ATP6V0A1: variants seen among roughly 807,000 people sequenced by gnomAD.
The protein encoded by ATP6V0A1 is V-type proton ATPase 116 kDa subunit a 1.
ATP6V0A1 carries 43 observed loss-of-function variants against 105.4 expected under a neutral mutation model. The ratio of observed to expected loss-of-function variants is 0.41; its 90% CI spans 0.32 to 0.53. ATP6V0A1 has a LOEUF of 0.53. Among genes scored for constraint, ATP6V0A1 ranks in the 20% least tolerant of loss-of-function variants. ATP6V0A1 has a pLI of 0.30. For synonymous variants in ATP6V0A1, 362 were observed against 372.8 expected (o/e 0.97, Z 0.33); for missense variants, 676 against 1,051.1 (o/e 0.64, Z 4.93).
At chr17:42,476,519 TCAAA>T (rs1372456775) in intron 5 of ATP6V0A1, among the ~76,000 whole-genome samples, 1 of 152,212 alleles carries the variant, frequency 6.6e-6, no homozygotes, top group Non-Finnish European at 1.5e-5. Context: ...TAGTTTTTGG[TCAAA>T]CAAGTATTGC....
intron 11 of ATP6V0A1, among the ~76,000 whole-genome samples, chr17:42,491,403 C>T (rs1598908628): frequency 6.6e-6 from 1 of 152,212 alleles, no homozygotes; most frequent in African/African-American, 2.4e-5. Flanking sequence ...CTCTGCCTCC[C>T]AGGTTCACGC....
Position 42,521,239 on chromosome 17 carries a change from T to C in ATP6V0A1, c.*119T>C. On this transcript the variant is annotated 3_prime_UTR_variant, in exon 22 of 22. Transcript: ENST00000343619. This position sits in a 1 kb window ranked among gnomAD's most constrained non-coding sequence, Gnocchi z 4.8. ...GCACCAGCTCATTCGTGTCACCCTG[T>C]CTGTGAGTCATTTAGATAGAATAGT... The C allele has an allele frequency of 1.2e-6, 1 of 862,516 alleles. No individual in the cohort carries two copies. Among genetic ancestry groups the C allele is most frequent in the Non-Finnish European group, 1.8e-6 (1 of 568,210 alleles). 53.4% of individuals were successfully genotyped at this position (862,516 alleles called of 1,614,324 possible).
At chr17:42,482,385 A>G (rs1041884147) in intron 8 of ATP6V0A1, among the ~76,000 whole-genome samples, 1 of 151,306 alleles carries the variant, frequency 6.6e-6, no homozygotes, top group African/African-American at 2.4e-5. Flanking sequence ...AGACTCAAGC[A>G]ATCCACCTGC....
Position 42,468,127 on chromosome 17 carries a change from C to A in ATP6V0A1, c.294+20C>A. On this transcript the variant is annotated intron_variant, in intron 4 of 21. Transcript: ENST00000343619. ...TTAGAGGTAAACACTTCTGGGAAAACCAGAAAAGTTTCTTTCTACTTGAAC... is the reference window on the plus strand; with the variant it reads ...TTAGAGGTAAACACTTCTGGGAAAAACAGAAAAGTTTCTTTCTACTTGAAC... The A allele has an allele frequency of 6.7e-7, 1 of 1,499,808 alleles. No individual in the cohort carries two copies. The highest frequency in any genetic ancestry group is 2.4e-5 in the East Asian group (1 of 41,032). 92.9% of individuals were successfully genotyped at this position (1,499,808 alleles called of 1,614,324 possible).
chr17:42,489,095 G>A (rs1454492383), intron 10 of ATP6V0A1, among the ~76,000 whole-genome samples: 2 of 144,588 alleles, frequency 1.4e-5, no homozygotes, highest in Admixed American at 1.4e-4. Flanking sequence ...TTTTTGAGAT[G>A]GAGTTTTGCT....
rs374907982 is a variant in ATP6V0A1 at position 42,508,182 on chromosome 17, G to T, written c.2113-390G>T. Among the ~76,000 whole-genome samples the T allele has an allele frequency of 3.3e-5, 5 of 152,256 alleles. No homozygotes were observed. The East Asian group carries it at 7.7e-4, about 23-fold the overall frequency. ...CTTTTCCTTAAGATACCACCTCCAAGCCCACTCTCCTTGCCTGACCCCTTG... is the reference window on the plus strand; with the variant it reads ...CTTTTCCTTAAGATACCACCTCCAATCCCACTCTCCTTGCCTGACCCCTTG... On this transcript the variant is annotated intron_variant, in intron 18 of 21. Coordinates refer to ENST00000343619, the MANE Select transcript of ATP6V0A1 (RefSeq NM_001130021.3).
chr17:42,484,920 G>C (rs2089953655), intron 9 of ATP6V0A1, among the ~76,000 whole-genome samples: 1 of 150,640 alleles, frequency 6.6e-6, no homozygotes, highest in South Asian at 2.1e-4. Flanking sequence ...CGCGATCTCG[G>C]CTCACTGCAA....
chr17:42,480,609 A>G, intron 7 of ATP6V0A1, 58 bp from the exon 8 acceptor site: 1 of 1,545,012 alleles, frequency 6.5e-7, no homozygotes, highest in Admixed American at 2.1e-5. Flanking sequence ...GGGTTATTTA[A>G]GAGATTTTCA....
chr17:42,513,577 A>C (rs1163603142), intron 19 of ATP6V0A1: 5 of 346,186 alleles, frequency 1.4e-5, no homozygotes. Flanking sequence ...TGTTGAAAAG[A>C]ATCTTATTAA....
At position 42,478,805 on chromosome 17, in the gene ATP6V0A1, A is replaced by G. The variant is rs556290962; in HGVS notation, c.633+216A>G. The G allele has an allele frequency of 1.4e-3, 405 of 293,698 alleles. 2 individuals carry two copies. Among genetic ancestry groups the G allele is most frequent in the African/African-American group, 8.6e-3 (388 of 45,358 alleles). The allele number at this position is 293,698 out of a possible 1,614,324, so 18.2% of individuals were successfully genotyped here. ...TATACATGACATATACATATTTTCA[A>G]GTTTACCCGTGTAGATGTTATTCTG... On this transcript the variant is annotated intron_variant, in intron 7 of 21. Coordinates refer to ENST00000343619, the MANE Select transcript of ATP6V0A1 (RefSeq NM_001130021.3).
Position 42,494,410 on chromosome 17 carries a change from CCTT to C in ATP6V0A1, c.1252_1254del (p.Leu418del), listed in dbSNP as rs2090961493. 6.2e-7 allele frequency: 1 copy of C among 1,613,204 alleles called. No individual in the cohort carries two copies. The highest frequency in any genetic ancestry group is 1.3e-5 in the African/African-American group (1 of 74,746). ...ACTTCGGTCATGGCATTTTAATGAC[CCTT>C]TTTGCTGTGTGGATGGTACTGAGGG... On this transcript the variant is annotated inframe_deletion, in exon 12 of 22. Transcript: ENST00000343619.
rs766506009 is a variant in ATP6V0A1, at chr17:42,487,116, G to A, written c.811-39G>A. 1.9e-6 allele frequency: 3 copies of A among 1,602,248 alleles called. 1 individual carries two copies. The highest frequency in any genetic ancestry group is 2.6e-6 in the Non-Finnish European group (3 of 1,169,456). On this transcript the variant is annotated intron_variant, in intron 9 of 21. Coordinates refer to ENST00000343619, the MANE Select transcript of ATP6V0A1 (RefSeq NM_001130021.3). Reference sequence around the variant, plus strand: ...TCATACCCTGAGATCTAAAACTGGTGTTAAAAGGATCCCTCGCTTGTTCCT... The same window carrying A: ...TCATACCCTGAGATCTAAAACTGGTATTAAAAGGATCCCTCGCTTGTTCCT...
chr17:42,507,165 A>G (rs2092080393), intron 17 of ATP6V0A1, among the ~76,000 whole-genome samples: 1 of 152,196 alleles, frequency 6.6e-6, no homozygotes, highest in Admixed American at 6.5e-5. Context: ...CAGCCTTTAC[A>G]GATAGAGCTG....
intron 9 of ATP6V0A1, among the ~76,000 whole-genome samples, chr17:42,484,620 C>T (rs2089916379): frequency 6.6e-6 from 1 of 152,084 alleles, no homozygotes; most frequent in Admixed American, 6.6e-5. Flanking sequence ...GTGGTTTATG[C>T]ACACCACGGT....
chr17:42,516,345 A>G (rs2092624617), intron 21 of ATP6V0A1, among the ~76,000 whole-genome samples: 1 of 151,602 alleles, frequency 6.6e-6, no homozygotes, highest in South Asian at 2.1e-4. Context: ...GCTAGGGTGC[A>G]CTCTTCTTCA....
rs2146300013 is a variant in ATP6V0A1 at position 42,513,959 on chromosome 17, C to T, written c.2229C>T (p.Ala743=). 1 of 1,614,142 alleles carries T rather than the reference C, an allele frequency of 6.2e-7. No individual in the cohort carries two copies. The highest frequency in any genetic ancestry group is 8.5e-7 in the Non-Finnish European group (1 of 1,180,010). The part of the protein sequence containing the change: ...SNTASYLRLW[A]LSLAHAQLSE... ...CTGCCTCCTACTTGCGGCTCTGGGC[C>T]CTCAGCCTCGCTCATGCGCGTGAGT... is the stretch of plus-strand genomic sequence containing the variant. The change falls in exon 20 of 22, where the codon GCC becomes GCT. Residue 743 remains alanine (A), a synonymous_variant. Coordinates refer to ENST00000343619, the MANE Select transcript of ATP6V0A1 (RefSeq NM_001130021.3).
intron 10 of ATP6V0A1, among the ~76,000 whole-genome samples, chr17:42,489,327 C>T (rs1401233039): frequency 2.0e-5 from 3 of 151,982 alleles, no homozygotes; most frequent in Admixed American, 6.6e-5. Context: ...GTGATCCACC[C>T]GCCTCAGCCT....
At position 42,477,777 on chromosome 17, in the gene ATP6V0A1, G is replaced by A. The variant is rs112188280; in HGVS notation, c.506+35G>A. On this transcript the variant is annotated intron_variant, in intron 6 of 21. Transcript: ENST00000343619. ...ATGTCAACTTTTCGGTATTCAGTGG[G>A]GCCATGTTCATCTCTTCTGTTCAGA... 95 of 1,532,306 alleles carry A rather than the reference G, an allele frequency of 6.2e-5. 3 individuals carry two copies. The African/African-American group carries it at 7.0e-4, about 11-fold the overall frequency. 94.9% of individuals were successfully genotyped at this position (1,532,306 alleles called of 1,614,324 possible).
chr17:42,468,240 G>C, intron 4 of ATP6V0A1, 133 bp downstream of exon 4: 1 of 517,342 alleles, frequency 1.9e-6, no homozygotes, highest in Admixed American at 3.9e-5. Context: ...GTTTCTTGTA[G>C]GTGGGATTTT....
Sources: gnomAD v4.1 joint callset for allele counts (sites outside exome capture counted in the v4.1 genomes callset) on GRCh38, gnomAD v4.1.1 for gene constraint, Gnocchi (gnomAD v3.1) non-coding constraint, MANE v1.5 for transcripts, NCBI Gene and HGNC (gene_info 2026-07-23, HGNC 2026-07-21) for gene names.